The following STX12 variants were observed in gnomAD, a reference collection of about 807,000 sequenced individuals.
STX12 encodes syntaxin 12.
STX12 carries 17 observed loss-of-function variants against 42.2 expected under a neutral mutation model. The observed-to-expected ratio is 0.40, with a 90% CI of 0.28 to 0.60. The LOEUF (loss-of-function observed/expected upper bound fraction) is 0.60. STX12 is among the 20% of genes least tolerant of loss of function. The pLI, the probability that STX12 is intolerant of heterozygous loss-of-function variation, is 0.39. For synonymous variants in STX12, 108 were observed against 116.7 expected (o/e 0.93, Z 0.48); for missense variants, 297 against 330.9 (o/e 0.90, Z 0.79).
At chr1:27,777,368 G>A (rs2088634177) in intron 1 of STX12, among the ~76,000 whole-genome samples, 1 of 152,172 alleles carries the variant, frequency 6.6e-6, no homozygotes, top group African/African-American at 2.4e-5. Context: ...AGAAGAGCAA[G>A]GAGGCTAGTT....
In STX12 at chr1:27,819,743, G is replaced by C. The variant is rs767253924; in HGVS notation, c.732+11G>C. 24 of 1,612,152 alleles carry C rather than the reference G, an allele frequency of 1.5e-5. No individual in the cohort carries two copies. Among genetic ancestry groups the C allele is most frequent in the Non-Finnish European group, 2.0e-5 (24 of 1,178,858 alleles). ...GCTGCTTACTATCAGGTAAAAGCGG[G>C]TACCAAAGAAAGTCACTCTGTGTTG... On this transcript the variant is annotated intron_variant, in intron 8 of 8. Coordinates refer to ENST00000373943, the MANE Select transcript of STX12 (RefSeq NM_177424.3).
At chr1:27,806,132 T>C (rs1239980165) in intron 4 of STX12, among the ~76,000 whole-genome samples, 5 of 152,196 alleles carry the variant, frequency 3.3e-5, no homozygotes, top group Non-Finnish European at 7.4e-5. Flanking sequence ...AGTATTTAAA[T>C]ATTGGGAAAC....
At chr1:27,776,839 C>A (rs1277911807) in intron 1 of STX12, among the ~76,000 whole-genome samples, 1 of 152,176 alleles carries the variant, frequency 6.6e-6, no homozygotes, top group Non-Finnish European at 1.5e-5. Context: ...GGGGGAAATA[C>A]CTGAAGCCGT....
chr1:27,784,702 CA>C (rs1376868351), intron 1 of STX12, among the ~76,000 whole-genome samples: 1 of 152,102 alleles, frequency 6.6e-6, no homozygotes, highest in African/African-American at 2.4e-5. Context: ...GGGCAATATA[CA>C]AAAAGTCCTG....
intron 6 of STX12, among the ~76,000 whole-genome samples, chr1:27,816,567 A>G (rs972662596): frequency 9.2e-4 from 122 of 132,714 alleles, no homozygotes; most frequent in African/African-American, 3.3e-3. Context: ...GCATTTTGGG[A>G]GGCCGAGGCA....
At chr1:27,779,333 G>T (rs3861746) in intron 1 of STX12, among the ~76,000 whole-genome samples, 7,034 of 131,318 alleles carry the variant, frequency 0.054, 577 homozygotes, top group African/African-American at 0.26. Flanking sequence ...TTTTGTTTTT[G>T]TTTTTTTTTG....
chr1:27,804,505 C>T (rs1160924464), intron 4 of STX12, among the ~76,000 whole-genome samples: 2 of 150,852 alleles, frequency 1.3e-5, no homozygotes, highest in Non-Finnish European at 3.0e-5. Context: ...AGTCTGTTCT[C>T]ACTCTGCTAT....
intron 2 of STX12, among the ~76,000 whole-genome samples, chr1:27,790,656 G>A (rs377426306): frequency 1.3e-5 from 2 of 152,266 alleles, no homozygotes; most frequent in East Asian, 3.9e-4. Context: ...TATATGGAAG[G>A]GGGTGCTGGG....
chr1:27,794,124 A>G (rs2088768492), intron 3 of STX12, among the ~76,000 whole-genome samples: 1 of 152,050 alleles, frequency 6.6e-6, no homozygotes. Flanking sequence ...TTCTGGGCTC[A>G]AGCAGTCCCC....
intron 4 of STX12, among the ~76,000 whole-genome samples, chr1:27,802,944 GGAAA>G (rs1377575143): frequency 2.0e-5 from 3 of 152,094 alleles, no homozygotes; most frequent in African/African-American, 7.2e-5. Context: ...TTTCTAAAAT[GGAAA>G]GATATAATAT....
chr1:27,811,277 C>T (rs1227760941), intron 5 of STX12, among the ~76,000 whole-genome samples: 2 of 126,196 alleles, frequency 1.6e-5, no homozygotes, highest in East Asian at 2.6e-4. Context: ...CACTTCACTC[C>T]GGCCTGGATG....
intron 1 of STX12, among the ~76,000 whole-genome samples, chr1:27,778,369 C>T (rs935547340): frequency 1.3e-5 from 2 of 152,146 alleles, no homozygotes; most frequent in African/African-American, 2.4e-5. Flanking sequence ...ACCTATTAGC[C>T]TCAAAGTTAA....
chr1:27,815,129 T>C (rs1236182600), intron 6 of STX12, among the ~76,000 whole-genome samples: 1 of 152,062 alleles, frequency 6.6e-6, no homozygotes, highest in Non-Finnish European at 1.5e-5. Context: ...TAGGAGAGAA[T>C]GGGCACAAGT....
Position 27,822,590 on chromosome 1 carries a change from C to T in STX12, c.*261C>T. The T allele has an allele frequency of 3.1e-6, 1 of 325,054 alleles. No individual in the cohort carries two copies. Among genetic ancestry groups the T allele is most frequent in the Non-Finnish European group, 5.7e-6 (1 of 174,206 alleles). The allele number at this position is 325,054 out of a possible 1,614,324, so 20.1% of individuals were successfully genotyped here. Reference sequence around the variant, plus strand: ...CTCTTGTATTCTGATTGCCCTTCATCCCAAGTGTTTACTGAAAATTCCATT... The same window carrying T: ...CTCTTGTATTCTGATTGCCCTTCATTCCAAGTGTTTACTGAAAATTCCATT... On this transcript the variant is annotated 3_prime_UTR_variant, in exon 9 of 9. Coordinates refer to ENST00000373943, the MANE Select transcript of STX12 (RefSeq NM_177424.3).
At chr1:27,810,037 T>C in intron 4 of STX12, 1 of 501,612 alleles carries the variant, frequency 2.0e-6, no homozygotes, top group East Asian at 3.1e-5. Flanking sequence ...ATGGTTTCTG[T>C]TCAGGACTCA....
At chr1:27,782,225 G>C (rs903469414) in intron 1 of STX12, among the ~76,000 whole-genome samples, 2 of 152,000 alleles carry the variant, frequency 1.3e-5, no homozygotes, top group African/African-American at 4.8e-5. Flanking sequence ...TCCACCTTCC[G>C]AGTAGCTAGG....
chr1:27,813,639 C>A (rs12563085), intron 6 of STX12, among the ~76,000 whole-genome samples: 6,524 of 152,218 alleles, frequency 0.043, 306 homozygotes, highest in East Asian at 0.25. Context: ...ACATGAGGAT[C>A]ACCTGGAGAA....
chr1:27,816,975 GAAAAAAGGAAGGAAGGGGAGGGAGGA>G (rs2088947882), intron 6 of STX12, among the ~76,000 whole-genome samples: 1 of 141,856 alleles, frequency 7.0e-6, no homozygotes. Context: ...GGGAGGGAGG[GAAAAAAGGAAGGAAGGGGAGGGAGGA>G]AGGAAAGGAA....
intron 6 of STX12, among the ~76,000 whole-genome samples, chr1:27,812,785 T>C (rs984155216): frequency 5.9e-5 from 9 of 152,182 alleles, no homozygotes; most frequent in African/African-American, 2.2e-4. Flanking sequence ...CCAGGAGTAC[T>C]CAAATCCTTT....
Sources: gnomAD v4.1 joint callset for allele counts (sites outside exome capture counted in the v4.1 genomes callset) on GRCh38, gnomAD v4.1.1 for gene constraint, MANE v1.5 for transcripts, NCBI Gene and HGNC (gene_info 2026-07-23, HGNC 2026-07-21) for gene names.